SERPINB10: variants seen among roughly 807,000 people sequenced by gnomAD.
The protein encoded by SERPINB10 is serpin family B member 10.
Under a neutral mutation model 39.1 loss-of-function variants are expected in SERPINB10, and 35 were observed. The ratio of observed to expected loss-of-function variants is 0.90; its 90% CI spans 0.68 to 1.19. The LOEUF (loss-of-function observed/expected upper bound fraction) is 1.19, where lower values mean the gene tolerates loss of function less well. Among genes scored for constraint, SERPINB10 ranks in the 50% most tolerant of loss-of-function variants. SERPINB10 has a pLI of 0.00. For missense variants in SERPINB10, 546 were observed against 460.5 expected, an observed-to-expected ratio of 1.19 and a Z score of -1.70; for synonymous variants, 190 against 158.1, an observed-to-expected ratio of 1.20 and a Z score of -1.52.
chr18:63,910,772 G>A (rs2050058798), intron 1 of SERPINB10, among the ~76,000 whole-genome samples: 3 of 151,958 alleles, frequency 2.0e-5, no homozygotes, highest in Admixed American at 2.0e-4. Flanking sequence ...GTGTGTGTGT[G>A]TGTGTGTGTC....
intron 1 of SERPINB10, among the ~76,000 whole-genome samples, chr18:63,909,920 C>G (rs1383289996): frequency 1.3e-5 from 2 of 151,972 alleles, no homozygotes; most frequent in Non-Finnish European, 2.9e-5. Context: ...AGAATTACTA[C>G]AGATCTACAG....
intron 5 of SERPINB10, among the ~76,000 whole-genome samples, chr18:63,927,077 T>G (rs1488789880): frequency 1.3e-5 from 2 of 151,996 alleles, no homozygotes; most frequent in East Asian, 3.9e-4. Context: ...TGTCTCTTCC[T>G]TTTATATAAT....
intron 5 of SERPINB10, among the ~76,000 whole-genome samples, 188 bp downstream of exon 5, chr18:63,920,093 C>G (rs2050136227): frequency 6.6e-6 from 1 of 151,936 alleles, no homozygotes; most frequent in African/African-American, 2.4e-5. Context: ...TAAGTCTTAT[C>G]TAAAACAAGT....
chr18:63,933,104 CA>C lies in SERPINB10; in HGVS notation c.691del (p.Ile231Ter), dbSNP rs1360835015. 6.2e-7 allele frequency: 1 copy of C among 1,613,962 alleles called. No individual in the cohort carries two copies. The highest frequency in any genetic ancestry group is 1.1e-5 in the South Asian group (1 of 91,074). On this transcript the variant is annotated frameshift_variant, in exon 7 of 8. Coordinates refer to ENST00000238508, the MANE Select transcript of SERPINB10 (RefSeq NM_005024.3). LOFTEE classifies it high-confidence loss of function. ...FMKKKLHIFH[I>X]EKPKAVGLQL... ...TGAAGAAAAAGCTTCACATTTTTCACATAGAAAAGCCAAAAGCAGTGGGCCT... is the reference window on the plus strand; with the variant it reads ...TGAAGAAAAAGCTTCACATTTTTCACTAGAAAAGCCAAAAGCAGTGGGCCT...
Position 63,934,964 on chromosome 18 carries a change from C to G in SERPINB10, c.916C>G (p.Leu306Val). 6.2e-7 allele frequency: 1 copy of G among 1,614,216 alleles called. No individual in the cohort carries two copies. Among genetic ancestry groups the G allele is most frequent in the Admixed American group, 1.7e-5 (1 of 60,028 alleles). Reference sequence around the variant, plus strand: ...AGACAGTTATGATCTCAAGTCAACCCTGAGCAGTATGGGGATGAGTGATGC... The same window carrying G: ...AGACAGTTATGATCTCAAGTCAACCGTGAGCAGTATGGGGATGAGTGATGC... ...LEDSYDLKST[L>V]SSMGMSDAFS... The change falls in exon 8 of 8, where the codon CTG becomes GTG. Residue 306 changes from leucine (L) to valine (V), a missense_variant. Transcript: ENST00000238508.
chr18:63,920,013 A>G (rs542220509), intron 5 of SERPINB10, 108 bp downstream of exon 5: 1 of 590,950 alleles, frequency 1.7e-6, no homozygotes, highest in Non-Finnish European at 3.0e-6. Flanking sequence ...AGAAGTGTGG[A>G]CACATTGTAA....
chr18:63,918,954 G>A (rs1038518585), intron 4 of SERPINB10, among the ~76,000 whole-genome samples: 18 of 144,460 alleles, frequency 1.2e-4, no homozygotes, highest in Non-Finnish European at 2.4e-4. Context: ...GACAGGCAGT[G>A]GTCCCTCAAA....
rs767531894 is a variant in SERPINB10 at position 63,918,052 on chromosome 18, C to T, written c.322C>T (p.Leu108Phe). 2 of 1,612,322 alleles carry T rather than the reference C, an allele frequency of 1.2e-6. No individual in the cohort carries two copies. Among genetic ancestry groups the T allele is most frequent in the African/African-American group, 2.7e-5 (2 of 74,810 alleles). Residue 108 changes from leucine to phenylalanine, a missense_variant, in exon 4 of 8, where the codon CTT becomes TTT. Coordinates refer to ENST00000238508, the MANE Select transcript of SERPINB10 (RefSeq NM_005024.3). Reference sequence around the variant, plus strand: ...CCTCAAGCCCAACGATGACTACTTACTTAAAACAGCCAATGCGATATATGG... The same window carrying T: ...CCTCAAGCCCAACGATGACTACTTATTTAAAACAGCCAATGCGATATATGG... ...EILKPNDDYL[L>F]KTANAIYGEK... is the part of the protein sequence containing the mutation.
intron 5 of SERPINB10, among the ~76,000 whole-genome samples, chr18:63,926,030 G>T (rs1356849040): frequency 6.6e-6 from 1 of 151,992 alleles, no homozygotes; most frequent in African/African-American, 2.4e-5. Context: ...TCCTAGGGCT[G>T]TCATAACACA....
rs878967305 is a variant in SERPINB10, at chr18:63,908,131, T to G, written c.-10+91T>G. On this transcript the variant is annotated intron_variant, in intron 1 of 7. Transcript: ENST00000238508. ...CTAGGTAACAAATAATGAAGACCCC[T>G]TCCCCCAAAAAAGTCCAGAAATAAT... 2.2e-5 allele frequency: 5 copies of G among 225,018 alleles called. No homozygotes were observed. The Middle Eastern group carries it at 1.5e-3, about 65-fold the overall frequency. 13.9% of individuals were successfully genotyped at this position (225,018 alleles called of 1,614,324 possible). A position where few individuals can be genotyped will look rare whatever the true frequency, so the allele number is the denominator to read the frequency against.
Position 63,917,981 on chromosome 18 carries a change from A to T in SERPINB10, c.251A>T (p.Asn84Ile). The T allele has an allele frequency of 6.2e-7, 1 of 1,611,914 alleles. No homozygotes were observed. The highest frequency in any genetic ancestry group is 8.5e-7 in the Non-Finnish European group (1 of 1,178,730). Reference protein sequence around the residue: ...KKRKMEFNLSNSEEIHSDFQT... With the variant: ...KKRKMEFNLSISEEIHSDFQT... ...CTTTTAAAGGAATTCAACTTGAGCA[A>T]CTCGGAAGAAATACACTCTGATTTC... The change falls in exon 4 of 8, where the codon AAC (asparagine) becomes ATC (isoleucine). Residue 84 changes from asparagine to isoleucine, a missense_variant. Coordinates refer to ENST00000238508, the MANE Select transcript of SERPINB10 (RefSeq NM_005024.3).
chr18:63,909,644 C>G (rs1187664619), intron 1 of SERPINB10, among the ~76,000 whole-genome samples: 2 of 151,998 alleles, frequency 1.3e-5, no homozygotes, highest in Non-Finnish European at 1.5e-5. Context: ...TAACCATACA[C>G]TGAGGTAGAA....
rs759346717 is a variant in SERPINB10, at chr18:63,915,515, A to G, written c.5A>G (p.Asp2Gly). The change falls in exon 2 of 8, where the codon GAC (aspartate) becomes GGC (glycine). Residue 2 changes from aspartate to glycine, a missense_variant. Physicochemically the swap from Asp to Gly is moderately conservative, Grantham distance 94. Coordinates refer to ENST00000238508, the MANE Select transcript of SERPINB10 (RefSeq NM_005024.3). Reference protein sequence around the residue: MDSLATSINQFA... With the variant: MGSLATSINQFA... ...TATTTTTCTTAGGTTTCCTCAATGG[A>G]CTCTCTAGCAACATCAATCAACCAG... 6.3e-7 allele frequency: 1 copy of G among 1,598,438 alleles called. No individual in the cohort carries two copies.
intron 6 of SERPINB10, among the ~76,000 whole-genome samples, chr18:63,931,845 A>T (rs2050224655): frequency 6.6e-6 from 1 of 152,210 alleles, no homozygotes; most frequent in Non-Finnish European, 1.5e-5. Context: ...GTTCAATATC[A>T]CGTAGCCACC....
intron 3 of SERPINB10, among the ~76,000 whole-genome samples, 183 bp downstream of exon 3, chr18:63,917,704 C>G (rs1030302605): frequency 6.6e-6 from 1 of 151,966 alleles, no homozygotes; most frequent in Admixed American, 6.6e-5. Flanking sequence ...CTTGTCCCCA[C>G]GCCCTTTTAA....
At chr18:63,928,861 A>G (rs2050199033) in intron 5 of SERPINB10, among the ~76,000 whole-genome samples, 1 of 149,850 alleles carries the variant, frequency 6.7e-6, no homozygotes, top group Admixed American at 6.7e-5. Flanking sequence ...TTGGTGTATA[A>G]GAATGCTTGT....
chr18:63,935,470 G>A lies in SERPINB10; in HGVS notation c.*228G>A, dbSNP rs1294934294. ...AACACGTTAACATTTTGTCTAATGT[G>A]ACTTTCATTTACATTTCAGAAGTAC... On this transcript the variant is annotated 3_prime_UTR_variant, in exon 8 of 8. Transcript: ENST00000238508. The A allele has an allele frequency of 6.6e-6, 3 of 453,422 alleles. No homozygotes were observed. Among genetic ancestry groups the A allele is most frequent in the Admixed American group, 7.8e-5 (2 of 25,568 alleles). The allele number at this position is 453,422 out of a possible 1,614,324, so 28.1% of individuals were successfully genotyped here. A position where few individuals can be genotyped will look rare whatever the true frequency, so the allele number is the denominator to read the frequency against.
intron 5 of SERPINB10, among the ~76,000 whole-genome samples, chr18:63,920,197 A>C (rs2050136789): frequency 6.6e-6 from 1 of 152,048 alleles, no homozygotes; most frequent in Non-Finnish European, 1.5e-5. Context: ...GAAAAATGCA[A>C]AAAGGAAATT....
At position 63,908,021 on chromosome 18, in the gene SERPINB10, C is replaced by G; in HGVS notation, c.-29C>G. 1 of 341,526 alleles carries G rather than the reference C, an allele frequency of 2.9e-6. No individual in the cohort carries two copies. Among genetic ancestry groups the G allele is most frequent in the South Asian group, 2.4e-5 (1 of 42,150 alleles). 21.2% of individuals were successfully genotyped at this position (341,526 alleles called of 1,614,324 possible). A position where few individuals can be genotyped will look rare whatever the true frequency, so the allele number is the denominator to read the frequency against. On this transcript the variant is annotated 5_prime_UTR_variant, in exon 1 of 8. Coordinates refer to ENST00000238508, the MANE Select transcript of SERPINB10 (RefSeq NM_005024.3). ...CTACAGGAGCAAATTGCCAATTCTG[C>G]TCCAGTGGGAGAAAACAAGGTATTG...
Sources: allele counts gnomAD v4.1 joint callset (sites outside exome capture counted in the v4.1 genomes callset), GRCh38; gene constraint gnomAD v4.1.1; transcripts MANE v1.5; gene names NCBI Gene and HGNC (gene_info 2026-07-23, HGNC 2026-07-21).